SYT2: variants seen among roughly 807,000 people sequenced by gnomAD.
SYT2 encodes synaptotagmin-2.
SYT2 carries 15 observed loss-of-function variants against 39.9 expected under a neutral mutation model. The observed-to-expected ratio is 0.38, with a 90% CI of 0.25 to 0.58. The LOEUF (loss-of-function observed/expected upper bound fraction) is 0.58, where lower values mean the gene tolerates loss of function less well. Ranked by LOEUF, SYT2 falls within the 20% of genes least tolerant of loss-of-function variation. The probability of loss-of-function intolerance (pLI) is 0.70; values close to 1 mark genes in which losing one functional copy is unlikely to be tolerated. For missense variants in SYT2, 389 were observed against 530.3 expected (o/e 0.73, Z 2.62); for synonymous variants, 181 against 204.5 (o/e 0.89, Z 0.98).
chr1:202,640,999 C>G (rs1691901951), intron 1 of SYT2, among the ~76,000 whole-genome samples: 1 of 152,200 alleles, frequency 6.6e-6, no homozygotes, highest in African/African-American at 2.4e-5. Context: ...TCATTGAGGA[C>G]TTAGACAGCT....
rs1025951037 is a variant in SYT2 at position 202,599,015 on chromosome 1, G to A, written c.1053+203C>T. ...ATGATTTGCAGAATTTTTTGAATTA[G>A]TTCATGTTTATCTCCTCAGAAAAGG... On this transcript the variant is annotated intron_variant, in intron 8 of 8. Transcript: ENST00000367268. The surrounding 1 kb of genome is among the most constrained non-coding windows in gnomAD (Gnocchi z 4.4). Among the ~76,000 whole-genome samples the A allele has an allele frequency of 6.6e-6, 1 of 152,158 alleles. No individual in the cohort carries two copies. The highest frequency in any genetic ancestry group is 2.4e-5 in the African/African-American group (1 of 41,422).
At chr1:202,627,065 A>C (rs1691438580) in intron 1 of SYT2, among the ~76,000 whole-genome samples, 1 of 152,248 alleles carries the variant, frequency 6.6e-6, no homozygotes, top group African/African-American at 2.4e-5. Context: ...GTGCTCGCCA[A>C]GTCAGGGACT....
At chr1:202,690,735 C>T (rs1413386770) in intron 1 of SYT2, among the ~76,000 whole-genome samples, 1 of 152,204 alleles carries the variant, frequency 6.6e-6, no homozygotes, top group South Asian at 2.1e-4. Flanking sequence ...GGGTTTACAA[C>T]TAAAACAGAC....
chr1:202,689,666 G>C (rs1653769553), intron 1 of SYT2, among the ~76,000 whole-genome samples: 1 of 152,094 alleles, frequency 6.6e-6, no homozygotes, highest in Non-Finnish European at 1.5e-5. Flanking sequence ...AGGGAACACT[G>C]TGGGGGAGCA....
At chr1:202,647,482 AC>A (rs1692110060) in intron 1 of SYT2, among the ~76,000 whole-genome samples, 1 of 150,508 alleles carries the variant, frequency 6.6e-6, no homozygotes, top group Admixed American at 6.6e-5. Flanking sequence ...CTCCATGAGC[AC>A]CCCCAACAGC....
Position 202,599,404 on chromosome 1 carries a change from C to A in SYT2, c.920-53G>T. 1.9e-6 allele frequency: 3 copies of A among 1,547,432 alleles called. No homozygotes were observed. Among genetic ancestry groups the A allele is most frequent in the Non-Finnish European group, 2.6e-6 (3 of 1,154,818 alleles). ...GAGGTTCCCCTTAGCCCCCAGCCTT[C>A]CTGCCGAATGTACCAAGGCCTGCCC... On this transcript the variant is annotated intron_variant, in intron 7 of 8. Transcript: ENST00000367268. This position sits in a 1 kb window ranked among gnomAD's most constrained non-coding sequence, Gnocchi z 4.4.
intron 1 of SYT2, among the ~76,000 whole-genome samples, chr1:202,617,217 AC>A (rs1691068536): frequency 6.6e-6 from 1 of 152,142 alleles, no homozygotes; most frequent in Non-Finnish European, 1.5e-5. Flanking sequence ...AGCCTATGAT[AC>A]AGTTTGGATC....
chr1:202,613,188 C>T (rs560538671), intron 1 of SYT2, among the ~76,000 whole-genome samples: 76 of 149,016 alleles, frequency 5.1e-4, no homozygotes, highest in African/African-American at 1.8e-3. Flanking sequence ...TCAAGCAATT[C>T]TCATGCCTCA....
intron 1 of SYT2, among the ~76,000 whole-genome samples, chr1:202,665,661 C>T (rs537608755): frequency 1.3e-5 from 2 of 152,186 alleles, no homozygotes; most frequent in Non-Finnish European, 2.9e-5. Flanking sequence ...ATTTTCTACA[C>T]ACCAGGATCT....
intron 1 of SYT2, among the ~76,000 whole-genome samples, chr1:202,656,126 GCA>G (rs10579829): frequency 0.2 from 30,688 of 149,904 alleles, 3,468 homozygotes; most frequent in East Asian, 0.54. Context: ...GCTTTGGAAC[GCA>G]CACACACACA....
intron 1 of SYT2, among the ~76,000 whole-genome samples, chr1:202,670,508 T>A (rs1487790524): frequency 1.3e-5 from 2 of 152,274 alleles, no homozygotes; most frequent in East Asian, 3.9e-4. Context: ...CTTCCTTCAG[T>A]CATTAAATGT....
intron 1 of SYT2, among the ~76,000 whole-genome samples, chr1:202,681,390 C>G (rs1238269361): frequency 6.6e-6 from 1 of 152,232 alleles, no homozygotes; most frequent in Non-Finnish European, 1.5e-5. Flanking sequence ...CCACTGGTGT[C>G]TCGTCTTATT....
intron 1 of SYT2, among the ~76,000 whole-genome samples, chr1:202,640,201 T>C (rs896730532): frequency 1.3e-5 from 2 of 152,116 alleles, no homozygotes; most frequent in African/African-American, 4.8e-5. Flanking sequence ...CACGGGGCAG[T>C]GAACACCCAA....
chr1:202,706,186 C>A (rs1177620078), intron 1 of SYT2, among the ~76,000 whole-genome samples: 2 of 151,972 alleles, frequency 1.3e-5, no homozygotes, highest in Non-Finnish European at 2.9e-5. Context: ...ATTGCTGGGA[C>A]AAATCCTTCC....
intron 4 of SYT2, 130 bp from the exon 5 acceptor site, chr1:202,602,675 G>A (rs934757605): frequency 3.5e-5 from 32 of 919,146 alleles, no homozygotes; most frequent in Admixed American, 8.3e-5. Context: ...GCGGGAGGCT[G>A]GTGCTAGAGA....
At chr1:202,631,796 G>A (rs1419809919) in intron 1 of SYT2, among the ~76,000 whole-genome samples, 5 of 152,220 alleles carry the variant, frequency 3.3e-5, no homozygotes, top group African/African-American at 1.2e-4. Context: ...CATTCAAGCT[G>A]AGGTTAGCCC....
At chr1:202,689,509 C>T (rs1330692091) in intron 1 of SYT2, among the ~76,000 whole-genome samples, 1 of 152,142 alleles carries the variant, frequency 6.6e-6, no homozygotes, top group Non-Finnish European at 1.5e-5. Flanking sequence ...TGGCAAACAG[C>T]TCTGTGGAGT....
At chr1:202,661,254 C>A (rs1692373511) in intron 1 of SYT2, among the ~76,000 whole-genome samples, 1 of 151,910 alleles carries the variant, frequency 6.6e-6, no homozygotes, top group African/African-American at 2.4e-5. Flanking sequence ...CCCCTGGGAA[C>A]CCTCAGTTCC....
At chr1:202,637,961 G>A (rs1691787867) in intron 1 of SYT2, among the ~76,000 whole-genome samples, 2 of 152,252 alleles carry the variant, frequency 1.3e-5, no homozygotes, top group South Asian at 4.1e-4. Context: ...AGGGAGTCCG[G>A]TGGATCAACT....
Sources: allele counts gnomAD v4.1 joint callset (sites outside exome capture counted in the v4.1 genomes callset), GRCh38; gene constraint gnomAD v4.1.1; non-coding constraint Gnocchi (gnomAD v3.1); transcripts MANE v1.5; gene names NCBI Gene and HGNC (gene_info 2026-07-23, HGNC 2026-07-21).